CORO2A: variants seen among roughly 807,000 people sequenced by gnomAD.
CORO2A encodes coronin 2A, also known as coronin-2A.
A neutral mutation model predicts 62.4 loss-of-function variants in CORO2A; 47 were observed. The observed-to-expected ratio is 0.75, with a 90% CI of 0.60 to 0.96. The LOEUF (loss-of-function observed/expected upper bound fraction) is 0.96, where lower values mean the gene tolerates loss of function less well. CORO2A is among the 40% of genes least tolerant of loss of function. The pLI is 0.00. For synonymous variants in CORO2A, 273 were observed against 268.9 expected, an observed-to-expected ratio of 1.02 and a Z score of -0.15; for missense variants, 610 against 684.1, an observed-to-expected ratio of 0.89 and a Z score of 1.21.
intron 1 of CORO2A, among the ~76,000 whole-genome samples, chr9:98,160,843 G>A (rs903988565): frequency 4.0e-5 from 6 of 151,122 alleles, no homozygotes; most frequent in Non-Finnish European, 8.8e-5. Flanking sequence ...CCTATGACCC[G>A]TTAGCCAGTG....
chr9:98,150,633 C>T (rs74737086), intron 2 of CORO2A, among the ~76,000 whole-genome samples: 1,649 of 152,228 alleles, frequency 0.011, 30 homozygotes, highest in African/African-American at 0.037. Flanking sequence ...CCATTTACAC[C>T]GAGCAGTTCA....
rs561149475 is a variant in CORO2A, at chr9:98,136,957, A to G, written c.318+615T>C. On this transcript the variant is annotated intron_variant, in intron 3 of 11. Transcript: ENST00000375077. ...CCCACCTCAGTCTCCCAAAGTGCTGAGATTACAGGTGTGAGCCACTGAACC... is the reference window on the plus strand; with the variant it reads ...CCCACCTCAGTCTCCCAAAGTGCTGGGATTACAGGTGTGAGCCACTGAACC... 1.2e-4 allele frequency among the ~76,000 whole-genome samples: 19 copies of G among 152,286 alleles called. No individual in the cohort carries two copies. In the South Asian group the frequency reaches 3.5e-3, roughly 28 times the overall value.
At chr9:98,145,593 G>C (rs1827634556) in intron 2 of CORO2A, among the ~76,000 whole-genome samples, 2 of 152,228 alleles carry the variant, frequency 1.3e-5, no homozygotes, top group Non-Finnish European at 2.9e-5. Flanking sequence ...AGGGCATAGA[G>C]GGCTTTGATG....
chr9:98,160,373 C>G (rs552815031), intron 1 of CORO2A, among the ~76,000 whole-genome samples: 4 of 152,204 alleles, frequency 2.6e-5, no homozygotes, highest in Non-Finnish European at 5.9e-5. Flanking sequence ...CGGCCAGGTC[C>G]ACCACACAGA....
intron 1 of CORO2A, among the ~76,000 whole-genome samples, chr9:98,158,651 C>A (rs1235779867): frequency 1.3e-5 from 2 of 152,094 alleles, no homozygotes; most frequent in Non-Finnish European, 2.9e-5. Context: ...GAGATTCGCA[C>A]ATGACAGTCA....
intron 7 of CORO2A, among the ~76,000 whole-genome samples, chr9:98,130,206 G>A (rs1446060065): frequency 1.3e-5 from 2 of 152,092 alleles, no homozygotes; most frequent in African/African-American, 4.8e-5. Flanking sequence ...TCAGCCTCCC[G>A]AGTAGGTGGG....
chr9:98,128,394 G>A, intron 9 of CORO2A, 134 bp from the exon 10 acceptor site: 1 of 836,310 alleles, frequency 1.2e-6, no homozygotes. Context: ...AGAACAAAGG[G>A]ACTTGCCCGA....
At position 98,124,759 on chromosome 9, in the gene CORO2A, G is replaced by A; in HGVS notation, c.*15C>T. The A allele has an allele frequency of 6.2e-7, 1 of 1,603,426 alleles. No individual in the cohort carries two copies. Among genetic ancestry groups the A allele is most frequent in the Non-Finnish European group, 8.5e-7 (1 of 1,174,476 alleles). On this transcript the variant is annotated 3_prime_UTR_variant, in exon 12 of 12. Coordinates refer to ENST00000375077, the MANE Select transcript of CORO2A (RefSeq NM_052820.4). ...GAGTGGTGTCCCTGAGGGTGAGGAG[G>A]GCAGAGGTCTCTGCTCAGAGCTGCT...
At chr9:98,170,774 G>A (rs1343484088) in intron 1 of CORO2A, among the ~76,000 whole-genome samples, 4 of 152,032 alleles carry the variant, frequency 2.6e-5, no homozygotes, top group Non-Finnish European at 5.9e-5. Context: ...AATTCGCTCC[G>A]TCACCTTGGG....
rs898380015 is a variant in CORO2A at position 98,192,585 on chromosome 9, TGGCGGCGGC to T, written c.-36_-28del. ...TTGATGACTGCCGCGCAGGTGGCGG[TGGCGGCGGC>T]GGCGTCCAGCTCCGGCTCCGCGCTC... On this transcript the variant is annotated 5_prime_UTR_variant, in exon 1 of 12. Transcript: ENST00000375077. 6 of 150,868 alleles carry T rather than the reference TGGCGGCGGC, an allele frequency of 4.0e-5. No individual in the cohort carries two copies. Among genetic ancestry groups the T allele is most frequent in the African/African-American group, 1.5e-4 (6 of 41,250 alleles). 9.3% of individuals were successfully genotyped at this position (150,868 alleles called of 1,614,324 possible).
chr9:98,171,749 C>T (rs971893522), intron 1 of CORO2A, among the ~76,000 whole-genome samples: 1 of 151,660 alleles, frequency 6.6e-6, no homozygotes, highest in South Asian at 2.1e-4. Context: ...GAGCCAGGAG[C>T]TTGCAGCGCG....
At chr9:98,174,249 C>G (rs1828079835) in intron 1 of CORO2A, among the ~76,000 whole-genome samples, 1 of 152,188 alleles carries the variant, frequency 6.6e-6, no homozygotes, top group Non-Finnish European at 1.5e-5. Context: ...CTAAACCTCT[C>G]TGTGCCTCAG....
chr9:98,188,825 CA>C (rs774619356), intron 1 of CORO2A, among the ~76,000 whole-genome samples: 2 of 151,998 alleles, frequency 1.3e-5, no homozygotes, highest in Non-Finnish European at 2.9e-5. Flanking sequence ...AAGAAACAAA[CA>C]AAAAAACTAG....
At chr9:98,139,979 C>T (rs1827543895) in intron 2 of CORO2A, among the ~76,000 whole-genome samples, 1 of 152,198 alleles carries the variant, frequency 6.6e-6, no homozygotes, top group Non-Finnish European at 1.5e-5. Context: ...CACCAAGAGA[C>T]TTGGATTTCT....
At chr9:98,130,315 G>A (rs1164585340) in intron 7 of CORO2A, among the ~76,000 whole-genome samples, 1 of 152,006 alleles carries the variant, frequency 6.6e-6, no homozygotes, top group Non-Finnish European at 1.5e-5. Flanking sequence ...TTGAACTCCT[G>A]GGCTCAAGTG....
chr9:98,164,458 T>G (rs879809421), intron 1 of CORO2A, among the ~76,000 whole-genome samples: 8 of 152,226 alleles, frequency 5.3e-5, no homozygotes, highest in Non-Finnish European at 1.2e-4. Flanking sequence ...TATCTGGCTC[T>G]GAAATCAAAG....
intron 10 of CORO2A, 103 bp downstream of exon 10, chr9:98,128,067 G>A: frequency 1.1e-6 from 1 of 894,412 alleles, no homozygotes; most frequent in Non-Finnish European, 1.8e-6. Flanking sequence ...CTGAGGTCAT[G>A]AGAGAAGAAA....
chr9:98,137,107 G>A (rs1013911277), intron 3 of CORO2A, among the ~76,000 whole-genome samples: 2 of 152,036 alleles, frequency 1.3e-5, no homozygotes, highest in Non-Finnish European at 2.9e-5. Context: ...TACAGAACAC[G>A]GGCTCAAAAA....
In CORO2A at chr9:98,160,470, T is replaced by G. The variant is rs1827868651; in HGVS notation, c.1-2810A>C. On this transcript the variant is annotated intron_variant, in intron 1 of 11. Transcript: ENST00000375077. ...ATCAGAAAGGGATTTATTTGGTGTC[T>G]ATAAGATAAAAGCCACAAGTTGCTA... Among the ~76,000 whole-genome samples the G allele has an allele frequency of 2.6e-5, 4 of 152,214 alleles. No individual in the cohort carries two copies. In the South Asian group the frequency reaches 8.3e-4, roughly 32 times the overall value.
Sources: allele counts gnomAD v4.1 joint callset (sites outside exome capture counted in the v4.1 genomes callset), GRCh38; gene constraint gnomAD v4.1.1; transcripts MANE v1.5; gene names NCBI Gene and HGNC (gene_info 2026-07-23, HGNC 2026-07-21).